MAGEC3: variants seen among roughly 807,000 people sequenced by gnomAD.
MAGEC3 encodes MAGE family member C3.
A neutral mutation model predicts 35.3 loss-of-function variants in MAGEC3; 34 were observed. The ratio of observed to expected loss-of-function variants is 0.96; its 90% confidence interval spans 0.73 to 1.28. The LOEUF (loss-of-function observed/expected upper bound fraction) is 1.28. Ranked by LOEUF, MAGEC3 falls within the 50% of genes most tolerant of loss-of-function variation. The probability of loss-of-function intolerance (pLI) is 0.00; values close to 1 mark genes in which losing one functional copy is unlikely to be tolerated. For synonymous variants in MAGEC3, 202 were observed against 185.6 expected (o/e 1.09, Z -0.72); for missense variants, 561 against 483.6 (o/e 1.16, Z -1.50).
intron 4 of MAGEC3, among the ~76,000 whole-genome samples, chrX:141,887,528 G>A (rs750410372): frequency 8.9e-6 from 1 of 111,995 alleles, no homozygotes; most frequent in East Asian, 2.8e-4. Context: ...GCTGCATGAG[G>A]CCCCTCCAAG....
intron 2 of MAGEC3, among the ~76,000 whole-genome samples, chrX:141,873,581 C>T (rs977689659): frequency 6.3e-5 from 7 of 111,797 alleles, no homozygotes; most frequent in African/African-American, 2.3e-4. Context: ...GATGACAGTG[C>T]TCCTGCTCTG....
At chrX:141,860,321 G>A (rs2017807419) in intron 1 of MAGEC3, among the ~76,000 whole-genome samples, 1 of 111,650 alleles carries the variant, frequency 9.0e-6, no homozygotes, top group South Asian at 3.8e-4. Flanking sequence ...CTCTTGATTC[G>A]AATAAATGGA....
At chrX:141,844,662 T>C (rs1302292754) in intron 1 of MAGEC3, among the ~76,000 whole-genome samples, 2 of 111,526 alleles carry the variant, frequency 1.8e-5, no homozygotes, top group African/African-American at 6.5e-5. Flanking sequence ...CCACATCTTT[T>C]AATTTATTTT....
intron 1 of MAGEC3, among the ~76,000 whole-genome samples, chrX:141,853,838 G>A (rs2017765235): frequency 9.0e-6 from 1 of 111,452 alleles, no homozygotes; most frequent in South Asian, 3.7e-4. Context: ...ATAAACAGAA[G>A]TTAATGATTC....
At position 141,897,832 on chromosome X, in the gene MAGEC3, A is replaced by T. The variant is rs2018118343; in HGVS notation, c.1932A>T (p.Ter644CysextTer?). ...TGTCCACCAACTTCTGTCCTGAGTGATGTCTGAAGCAGATTCCCCCTCTGT... is the reference window on the plus strand; with the variant it reads ...TGTCCACCAACTTCTGTCCTGAGTGTTGTCTGAAGCAGATTCCCCCTCTGT... ...SVMSTNFCPE[*>C] The change falls in exon 8 of 8, where the codon TGA becomes TGT. Residue 644 changes from the stop codon to cysteine, a stop_lost. Transcript: ENST00000298296. 1 of 1,186,821 alleles carries T rather than the reference A, an allele frequency of 8.4e-7. No homozygotes were observed. Among genetic ancestry groups the T allele is most frequent in the Non-Finnish European group, 1.1e-6 (1 of 883,424 alleles).
At chrX:141,873,041 A>G in intron 2 of MAGEC3, among the ~76,000 whole-genome samples, 1 of 112,044 alleles carries the variant, frequency 8.9e-6, no homozygotes, top group Non-Finnish European at 1.9e-5. Context: ...GGAAAAGGAA[A>G]GAAACACAAA....
At chrX:141,879,106 C>T in intron 2 of MAGEC3, 69 bp from the exon 3 acceptor site, 3 of 1,108,534 alleles carry the variant, frequency 2.7e-6, no homozygotes, top group East Asian at 6.2e-5. Context: ...GGCACAGCCT[C>T]TCGGGAAGGC....
intron 1 of MAGEC3, chrX:141,839,823 G>C (rs1346000173): frequency 1.8e-6 from 1 of 564,214 alleles, no homozygotes; most frequent in Non-Finnish European, 2.1e-6. Context: ...AAATATTGTT[G>C]GTTGTCATAA....
At chrX:141,881,996 C>T (rs928792071) in intron 4 of MAGEC3, among the ~76,000 whole-genome samples, 200 bp downstream of exon 4, 4 of 111,649 alleles carry the variant, frequency 3.6e-5, no homozygotes, top group East Asian at 2.8e-4. Context: ...GAAACAATAC[C>T]GTCTCTAGTT....
rs934448305 is a variant in MAGEC3, at chrX:141,868,047, C to T, written c.258+2442C>T. 1.2e-3 allele frequency among the ~76,000 whole-genome samples: 134 copies of T among 110,088 alleles called. 1 individual carries two copies. Among genetic ancestry groups the T allele is most frequent in the African/African-American group, 1.1e-3 (34 of 30,226 alleles). The stretch of plus-strand genomic sequence containing the variant: ...CTGAGGCAGCAGAATGGTGTGAACC[C>T]GGGAGGCGGAGCTTGCAGTGAGCCG... On this transcript the variant is annotated intron_variant, in intron 2 of 7. Coordinates refer to ENST00000298296, the MANE Select transcript of MAGEC3 (RefSeq NM_138702.1).
At chrX:141,867,370 CAG>C (rs1285424707) in intron 2 of MAGEC3, among the ~76,000 whole-genome samples, 2 of 111,477 alleles carry the variant, frequency 1.8e-5, no homozygotes, top group Non-Finnish European at 1.9e-5. Context: ...AAAGCAGACT[CAG>C]GGAGTATGCC....
At chrX:141,875,467 T>C (rs1396831691) in intron 2 of MAGEC3, among the ~76,000 whole-genome samples, 1 of 111,134 alleles carries the variant, frequency 9.0e-6, no homozygotes, top group Non-Finnish European at 1.9e-5. Flanking sequence ...ATGGCAACTA[T>C]GGTAAATCTT....
intron 1 of MAGEC3, among the ~76,000 whole-genome samples, chrX:141,864,471 G>T (rs1406742240): frequency 9.0e-6 from 1 of 111,443 alleles, no homozygotes; most frequent in Non-Finnish European, 1.9e-5. Flanking sequence ...CATGTTCTTT[G>T]CAGGAACATC....
intron 2 of MAGEC3, among the ~76,000 whole-genome samples, chrX:141,866,332 G>A (rs1017313502): frequency 8.9e-6 from 1 of 111,786 alleles, no homozygotes; most frequent in Non-Finnish European, 1.9e-5. Context: ...TTTATATTAA[G>A]TATGCAATTC....
rs1354325551 is a variant in MAGEC3, at chrX:141,881,697, G to A, written c.810G>A (p.Met270Ile). 8.3e-7 allele frequency: 1 copy of A among 1,209,553 alleles called. No individual in the cohort carries two copies. The highest frequency in any genetic ancestry group is 1.1e-6 in the Non-Finnish European group (1 of 895,096). ...GGAGTCTGAGTGATGAGCAGGGCAT[G>A]CCCCAGAACCGCCTCCTGATTCTTA... ...CEGSLSDEQG[M>I]PQNRLLILIL... Residue 270 changes from methionine to isoleucine, a missense_variant, in exon 4 of 8, where the codon ATG becomes ATA. Physicochemically the swap from Met to Ile is conservative, Grantham distance 10. Coordinates refer to ENST00000298296, the MANE Select transcript of MAGEC3 (RefSeq NM_138702.1).
chrX:141,896,608 A>G (rs1409182020), intron 6 of MAGEC3: 6 of 1,193,763 alleles, frequency 5.0e-6, no homozygotes, highest in Non-Finnish European at 6.8e-6. Context: ...CATCATCCCC[A>G]TCCCTGCTCA....
intron 1 of MAGEC3, among the ~76,000 whole-genome samples, chrX:141,856,212 A>G (rs954423031): frequency 2.7e-5 from 3 of 111,618 alleles, no homozygotes; most frequent in African/African-American, 9.8e-5. Flanking sequence ...GATGCTAGAC[A>G]ATGGAGCACA....
Position 141,840,969 on chromosome X carries a change from A to G in MAGEC3, c.123+2531A>G, listed in dbSNP as rs913388866. ...ACTATAGTTTATAAATATGTTTAATATTAAATAAAAATTTAAGTAAGAGGA... is the reference window on the plus strand; with the variant it reads ...ACTATAGTTTATAAATATGTTTAATGTTAAATAAAAATTTAAGTAAGAGGA... On this transcript the variant is annotated intron_variant, in intron 1 of 7. Coordinates refer to ENST00000298296, the MANE Select transcript of MAGEC3 (RefSeq NM_138702.1). Among the ~76,000 whole-genome samples the G allele has an allele frequency of 2.7e-5, 3 of 111,463 alleles. No individual in the cohort carries two copies. The Admixed American group carries it at 2.9e-4, about 11-fold the overall frequency.
At chrX:141,849,848 A>G (rs191099824) in intron 1 of MAGEC3, among the ~76,000 whole-genome samples, 133 of 111,229 alleles carry the variant, frequency 1.2e-3, no homozygotes, top group Non-Finnish European at 2.1e-4. Flanking sequence ...CAAAGAACTT[A>G]AAACAGAGCA....
Sources: allele counts gnomAD v4.1 joint callset (sites outside exome capture counted in the v4.1 genomes callset), GRCh38; gene constraint gnomAD v4.1.1; transcripts MANE v1.5; gene names NCBI Gene and HGNC (gene_info 2026-07-23, HGNC 2026-07-21).